CALN1: variants seen among roughly 807,000 people sequenced by gnomAD.
The protein encoded by CALN1 is calneuron 1.
CALN1 carries 17 observed loss-of-function variants against 30.6 expected under a neutral mutation model. That is an observed-to-expected ratio of 0.56 (90% CI 0.38 to 0.83). The LOEUF is 0.83. CALN1 is among the 40% of genes least tolerant of loss of function. CALN1 has a pLI of 0.00. For synonymous variants in CALN1, 156 were observed against 131.4 expected, an observed-to-expected ratio of 1.19 and a Z score of -1.28; for missense variants, 291 against 354.9, an observed-to-expected ratio of 0.82 and a Z score of 1.45.
chr7:72,404,611 T>C (rs1038118977), intron 1 of CALN1, among the ~76,000 whole-genome samples: 4 of 152,154 alleles, frequency 2.6e-5, no homozygotes, highest in African/African-American at 7.2e-5. Flanking sequence ...TGAGTCTCCA[T>C]TTCTCACTAC....
chr7:72,452,385 A>T, the CALN1 span, among the ~76,000 whole-genome samples: 1 of 152,108 alleles, frequency 6.6e-6, no homozygotes, highest in Admixed American at 6.6e-5. Flanking sequence ...TGGATCCCTT[A>T]TGGATGGCTT....
intron 5 of CALN1, among the ~76,000 whole-genome samples, chr7:71,956,575 C>T (rs954483929): frequency 1.3e-5 from 2 of 151,686 alleles, no homozygotes; most frequent in Non-Finnish European, 2.9e-5. Context: ...TATCCTCCAG[C>T]CTCAGCCTCC....
At chr7:72,001,785 A>T (rs1799540743) in intron 5 of CALN1, among the ~76,000 whole-genome samples, 1 of 152,192 alleles carries the variant, frequency 6.6e-6, no homozygotes, top group African/African-American at 2.4e-5. Flanking sequence ...CTGCAGACCC[A>T]TACAGATTGG....
At chr7:72,245,398 C>T (rs571320238) in intron 3 of CALN1, among the ~76,000 whole-genome samples, 35 of 152,046 alleles carry the variant, frequency 2.3e-4, no homozygotes, top group Non-Finnish European at 4.9e-4. Context: ...GCGGGTGGAG[C>T]ACCTGAGGTC....
chr7:71,903,633 A>T (rs1793980337), intron 5 of CALN1, among the ~76,000 whole-genome samples: 1 of 152,214 alleles, frequency 6.6e-6, no homozygotes, highest in African/African-American at 2.4e-5. Context: ...GCTTCATGAC[A>T]TTGGTCTGGG....
chr7:72,251,785 G>A (rs1795580207), intron 3 of CALN1, among the ~76,000 whole-genome samples: 1 of 152,062 alleles, frequency 6.6e-6, no homozygotes, highest in Admixed American at 6.5e-5. Context: ...TATATTAACT[G>A]TATCAATGTC....
chr7:72,418,030 T>C (rs1240495876), intron 1 of CALN1, among the ~76,000 whole-genome samples: 3 of 152,222 alleles, frequency 2.0e-5, no homozygotes. Context: ...TATCGTGTGA[T>C]GCTGAGGTTT....
chr7:71,927,299 T>C (rs191357799), intron 5 of CALN1, among the ~76,000 whole-genome samples: 29 of 152,286 alleles, frequency 1.9e-4, no homozygotes, highest in Non-Finnish European at 1.6e-4. Context: ...AACCTCTGCC[T>C]CCTGGACTCA....
intron 3 of CALN1, among the ~76,000 whole-genome samples, chr7:72,194,091 A>C (rs1790818685): frequency 6.6e-6 from 1 of 152,214 alleles, no homozygotes; most frequent in Non-Finnish European, 1.5e-5. Context: ...CCTGTTCCCC[A>C]AAAAATCTAT....
At chr7:71,915,992 A>G (rs1235684773) in intron 5 of CALN1, among the ~76,000 whole-genome samples, 2 of 152,178 alleles carry the variant, frequency 1.3e-5, no homozygotes, top group African/African-American at 4.8e-5. Flanking sequence ...CAACAGGGCA[A>G]TAAGACAATA....
intron 2 of CALN1, among the ~76,000 whole-genome samples, chr7:72,354,105 T>G (rs1412691458): frequency 6.6e-6 from 1 of 152,122 alleles, no homozygotes; most frequent in Non-Finnish European, 1.5e-5. Context: ...GAGAATCACT[T>G]GAACCCAAGA....
At chr7:72,047,754 G>GC in intron 4 of CALN1, among the ~76,000 whole-genome samples, 1 of 152,286 alleles carries the variant, frequency 6.6e-6, no homozygotes, top group African/African-American at 2.4e-5. Flanking sequence ...TGACGTGGCA[G>GC]CCATCGTGCT....
chr7:72,096,531 G>T (rs563930324), intron 4 of CALN1, among the ~76,000 whole-genome samples: 2 of 152,036 alleles, frequency 1.3e-5, no homozygotes, highest in East Asian at 3.9e-4. Flanking sequence ...TCATGGCCGG[G>T]CATGATGGCT....
intron 2 of CALN1, among the ~76,000 whole-genome samples, chr7:72,312,586 T>C (rs1800129755): frequency 6.6e-6 from 1 of 152,058 alleles, no homozygotes; most frequent in Non-Finnish European, 1.5e-5. Context: ...GGAGATATTT[T>C]TTCTTTTGCA....
intron 2 of CALN1, among the ~76,000 whole-genome samples, chr7:72,390,747 T>G (rs1805528504): frequency 6.6e-6 from 1 of 152,224 alleles, no homozygotes; most frequent in Non-Finnish European, 1.5e-5. Context: ...AAATTATGAT[T>G]ATTATATCTA....
At chr7:72,084,483 C>T (rs1332089344) in intron 4 of CALN1, among the ~76,000 whole-genome samples, 2 of 151,546 alleles carry the variant, frequency 1.3e-5, no homozygotes, top group Non-Finnish European at 2.9e-5. Flanking sequence ...CTCGGCCTCC[C>T]AAGTAGCTGG....
In CALN1 at chr7:72,277,734, T is replaced by TC. The variant is rs546776462; in HGVS notation, c.244+951dup. 3.5e-3 allele frequency among the ~76,000 whole-genome samples: 530 copies of TC among 152,278 alleles called. 6 individuals carry two copies. The highest frequency in any genetic ancestry group is 0.017 in the Middle Eastern group (5 of 294). On this transcript the variant is annotated intron_variant, in intron 3 of 6. Coordinates refer to ENST00000395275, the MANE Select transcript of CALN1 (RefSeq NM_031468.4). ...TTCACTGTCTCAGAGCCAAATGTCCTCCATCTTCCTTCTGGGAGAAATGAG... is the reference window on the plus strand; with the variant it reads ...TTCACTGTCTCAGAGCCAAATGTCCTCCCATCTTCCTTCTGGGAGAAATGAG...
At chr7:71,946,002 T>C (rs1326550359) in intron 5 of CALN1, among the ~76,000 whole-genome samples, 2 of 152,150 alleles carry the variant, frequency 1.3e-5, no homozygotes, top group Non-Finnish European at 2.9e-5. Flanking sequence ...GACTTCCCCA[T>C]GAACGGAATT....
At chr7:71,851,335 C>A (rs1273117279) in intron 5 of CALN1, among the ~76,000 whole-genome samples, 2 of 146,014 alleles carry the variant, frequency 1.4e-5, no homozygotes, top group African/African-American at 5.0e-5. Context: ...GGTCAACATG[C>A]CAAAACCCCA....
Sources: gnomAD v4.1 joint callset for allele counts (sites outside exome capture counted in the v4.1 genomes callset) on GRCh38, gnomAD v4.1.1 for gene constraint, MANE v1.5 for transcripts, NCBI Gene and HGNC (gene_info 2026-07-23, HGNC 2026-07-21) for gene names.